Variants in CNTNAP4 observed in about 807,000 individuals in gnomAD.
CNTNAP4 encodes the protein contactin associated protein family member 4, also known as contactin-associated protein-like 4.
In CNTNAP4, 98 loss-of-function variants were observed where a neutral mutation model predicts 148.4. The observed-to-expected ratio is 0.66, with a 90% CI of 0.56 to 0.78. CNTNAP4 has a LOEUF of 0.78. Ranked by LOEUF, CNTNAP4 falls within the 30% of genes least tolerant of loss-of-function variation. The pLI is 0.00. For missense variants in CNTNAP4, 1,935 were observed against 1,565.6 expected, an observed-to-expected ratio of 1.24 and a Z score of -3.98; for synonymous variants, 730 against 565.1, an observed-to-expected ratio of 1.29 and a Z score of -4.14.
In CNTNAP4 at chr16:76,304,988, A is replaced by G. The variant is rs60665576; in HGVS notation, c.86-11425A>G. Among the ~76,000 whole-genome samples, 246 of 152,338 alleles carry G rather than the reference A, an allele frequency of 1.6e-3. 9 individuals carry two copies. The East Asian group carries it at 0.039, about 24-fold the overall frequency. The stretch of plus-strand genomic sequence containing the variant: ...GTATTTGGTGATATGTATGTAGCAC[A>G]GTTTGTTTAATCACTCACCTGTTGA... On this transcript the variant is annotated intron_variant, in intron 1 of 23. Transcript: ENST00000611870.
intron 3 of CNTNAP4, among the ~76,000 whole-genome samples, chr16:76,401,586 C>G (rs1415340230): frequency 6.6e-6 from 1 of 152,026 alleles, no homozygotes; most frequent in Admixed American, 6.6e-5. Context: ...CTATGTTGAA[C>G]GAGAGTGGTG....
At chr16:76,484,048 T>A (rs555765754) in intron 12 of CNTNAP4, among the ~76,000 whole-genome samples, 12 of 151,664 alleles carry the variant, frequency 7.9e-5, no homozygotes, top group Non-Finnish European at 1.8e-4. Context: ...CAACATTTAC[T>A]TTTTTATATT....
At chr16:76,325,915 C>T (rs991647675) in intron 2 of CNTNAP4, among the ~76,000 whole-genome samples, 1 of 151,864 alleles carries the variant, frequency 6.6e-6, no homozygotes, top group Non-Finnish European at 1.5e-5. Flanking sequence ...ACCTGCAAAA[C>T]TGCACTCAAT....
At chr16:76,466,271 A>G (rs2081173833) in intron 9 of CNTNAP4, among the ~76,000 whole-genome samples, 3 of 152,084 alleles carry the variant, frequency 2.0e-5, no homozygotes, top group African/African-American at 7.2e-5. Flanking sequence ...AGGGTAGTGG[A>G]GTTTGGGGAG....
At chr16:76,355,938 G>A (rs943361838) in intron 3 of CNTNAP4, among the ~76,000 whole-genome samples, 3 of 151,372 alleles carry the variant, frequency 2.0e-5, no homozygotes, top group African/African-American at 4.9e-5. Context: ...GCAGTGGCGC[G>A]ATCTTGGCTC....
At chr16:76,405,816 T>C (rs954072411) in intron 3 of CNTNAP4, among the ~76,000 whole-genome samples, 20 of 132,702 alleles carry the variant, frequency 1.5e-4, no homozygotes, top group African/African-American at 6.5e-4. Context: ...AATTGTCTCC[T>C]TTTTTTTTTA....
chr16:76,321,733 G>A (rs962715599), intron 2 of CNTNAP4, among the ~76,000 whole-genome samples: 1 of 146,108 alleles, frequency 6.8e-6, no homozygotes, highest in African/African-American at 2.5e-5. Context: ...AGGTTGTAGT[G>A]AGCTGAGATC....
At chr16:76,556,915 G>A (rs946955881) in intron 23 of CNTNAP4, among the ~76,000 whole-genome samples, 25 of 152,084 alleles carry the variant, frequency 1.6e-4, no homozygotes, top group Non-Finnish European at 2.2e-4. Context: ...AGGGTGAATC[G>A]GCCTAGCAGG....
At chr16:76,388,579 G>A (rs972300595) in intron 3 of CNTNAP4, among the ~76,000 whole-genome samples, 1 of 152,150 alleles carries the variant, frequency 6.6e-6, no homozygotes, top group African/African-American at 2.4e-5. Flanking sequence ...CTATCTAAAA[G>A]TCATCTCCTG....
At chr16:76,432,005 A>G (rs954948766) in intron 4 of CNTNAP4, among the ~76,000 whole-genome samples, 3 of 152,200 alleles carry the variant, frequency 2.0e-5, no homozygotes, top group African/African-American at 7.2e-5. Flanking sequence ...TAAAACCTAT[A>G]TAAATATCAT....
Position 76,462,107 on chromosome 16 carries a change from T to TAAGA in CNTNAP4, c.1483+4_1483+7dup, listed in dbSNP as rs1202560860. On this transcript the variant is annotated splice_region_variant and intron_variant, in intron 9 of 23. Coordinates refer to ENST00000611870, the MANE Select transcript of CNTNAP4 (RefSeq NM_033401.5). ...CGGGTGGCACCTATTATTTTGGAGG[T>TAAGA]AAGAATAGGTGCCAGGCTCTATGAG... The TAAGA allele has an allele frequency of 6.2e-7, 1 of 1,612,284 alleles. No homozygotes were observed. The highest frequency in any genetic ancestry group is 2.2e-5 in the East Asian group (1 of 44,820).
chr16:76,305,409 A>T (rs1045814235), intron 1 of CNTNAP4, among the ~76,000 whole-genome samples: 15 of 152,058 alleles, frequency 9.9e-5, no homozygotes, highest in South Asian at 2.1e-4. Flanking sequence ...CATTTTTTTT[A>T]AAACCAATTC....
At position 76,330,933 on chromosome 16, in the gene CNTNAP4, T is replaced by C. The variant is rs139149746; in HGVS notation, c.196+14410T>C. Among the ~76,000 whole-genome samples, 945 of 152,344 alleles carry C rather than the reference T, an allele frequency of 6.2e-3. 7 individuals carry two copies. The highest frequency in any genetic ancestry group is 0.022 in the African/African-American group (913 of 41,588). On this transcript the variant is annotated intron_variant, in intron 2 of 23. Coordinates refer to ENST00000611870, the MANE Select transcript of CNTNAP4 (RefSeq NM_033401.5). ...GCAATTTTTAAAAGCATCTAAATAG[T>C]GCTGGATAGATCTGTAAAAATTGGA...
chr16:76,524,315 C>T (rs1005443508), intron 17 of CNTNAP4, among the ~76,000 whole-genome samples: 14 of 152,044 alleles, frequency 9.2e-5, no homozygotes, highest in Non-Finnish European at 5.9e-5. Context: ...GAAGCTCAGT[C>T]AGGAAATTGA....
chr16:76,469,154 A>G (rs951224129), intron 10 of CNTNAP4, among the ~76,000 whole-genome samples: 83 of 152,350 alleles, frequency 5.4e-4, no homozygotes, highest in African/African-American at 1.9e-3. Context: ...TTCAGCAATA[A>G]GAGTGGCAGG....
intron 3 of CNTNAP4, among the ~76,000 whole-genome samples, chr16:76,381,455 C>T (rs1256306393): frequency 6.6e-6 from 1 of 152,050 alleles, no homozygotes; most frequent in Non-Finnish European, 1.5e-5. Flanking sequence ...ATGCAGATGA[C>T]CAGGAATACC....
chr16:76,524,901 C>T (rs947995549), intron 17 of CNTNAP4, among the ~76,000 whole-genome samples: 2 of 152,004 alleles, frequency 1.3e-5, no homozygotes, highest in South Asian at 4.1e-4. Flanking sequence ...TTCCTCCTTC[C>T]TGCTCACAGA....
At chr16:76,298,674 A>T (rs1366887423) in intron 1 of CNTNAP4, among the ~76,000 whole-genome samples, 1 of 152,162 alleles carries the variant, frequency 6.6e-6, no homozygotes, top group African/African-American at 2.4e-5. Context: ...GGCTGCAGCC[A>T]TATAGAGCTC....
chr16:76,557,036 A>G (rs1260295691), intron 23 of CNTNAP4, among the ~76,000 whole-genome samples: 1 of 152,364 alleles, frequency 6.6e-6, no homozygotes, highest in Admixed American at 6.5e-5. Flanking sequence ...TAGTTTTACC[A>G]TATGAGATTT....
Sources: allele counts gnomAD v4.1 joint callset (sites outside exome capture counted in the v4.1 genomes callset), GRCh38; gene constraint gnomAD v4.1.1; transcripts MANE v1.5; gene names NCBI Gene and HGNC (gene_info 2026-07-23, HGNC 2026-07-21).